STAB2: variants seen among roughly 807,000 people sequenced by gnomAD.
STAB2 encodes the protein stabilin-2.
In STAB2, 288 loss-of-function variants were observed where a neutral mutation model predicts 338.1. The observed-to-expected ratio is 0.85, with a 90% CI of 0.77 to 0.94. The LOEUF (loss-of-function observed/expected upper bound fraction) is 0.94. Among genes scored for constraint, STAB2 ranks in the 40% least tolerant of loss-of-function variants. STAB2 has a pLI of 0.00. For missense variants in STAB2, 3,141 were observed against 3,210.1 expected, an observed-to-expected ratio of 0.98 and a Z score of 0.52; for synonymous variants, 1,202 against 1,193.3, an observed-to-expected ratio of 1.01 and a Z score of -0.15.
At chr12:103,690,626 C>G in intron 30 of STAB2, 88 bp downstream of exon 30, 1 of 1,153,348 alleles carries the variant, frequency 8.7e-7, no homozygotes, top group Non-Finnish European at 1.2e-6. Context: ...ATGGGAACTT[C>G]CAAACATGCG....
chr12:103,715,284 G>A (rs527948605), intron 42 of STAB2, among the ~76,000 whole-genome samples: 1 of 152,156 alleles, frequency 6.6e-6, no homozygotes, highest in South Asian at 2.1e-4. Context: ...CAGTGAAGGT[G>A]CTGTGATGTT....
At chr12:103,671,957 C>G (rs1049257677) in intron 22 of STAB2, among the ~76,000 whole-genome samples, 1 of 152,200 alleles carries the variant, frequency 6.6e-6, no homozygotes, top group Non-Finnish European at 1.5e-5. Context: ...CACACTCCAG[C>G]CTACCAACCG....
chr12:103,729,027 C>A, intron 48 of STAB2, 32 bp downstream of exon 48: 1 of 1,609,534 alleles, frequency 6.2e-7, no homozygotes, highest in South Asian at 1.1e-5. Context: ...GTCCTCTCTC[C>A]CCTAGATCAT....
intron 44 of STAB2, among the ~76,000 whole-genome samples, chr12:103,719,445 A>C (rs998730277): frequency 9.2e-5 from 14 of 152,224 alleles, no homozygotes; most frequent in Non-Finnish European, 1.8e-4. Flanking sequence ...GTATTTTCTC[A>C]CAGTTCTAGA....
intron 51 of STAB2, among the ~76,000 whole-genome samples, chr12:103,735,117 A>G (rs181993495): frequency 6.6e-6 from 1 of 152,170 alleles, no homozygotes; most frequent in East Asian, 1.9e-4. Context: ...GGACTTCAAC[A>G]TAACTCTTTG....
intron 37 of STAB2, 28 bp downstream of exon 37, chr12:103,705,755 C>T (rs962893766): frequency 1.9e-6 from 3 of 1,600,532 alleles, no homozygotes; most frequent in Non-Finnish European, 2.6e-6. Context: ...ATCATACTAA[C>T]TACTGCAGCA....
intron 26 of STAB2, 50 bp from the exon 27 acceptor site, chr12:103,684,939 G>T (rs542535137): frequency 2.0e-5 from 31 of 1,578,794 alleles, no homozygotes; most frequent in Non-Finnish European, 2.7e-5. Context: ...TGTAACTCAG[G>T]TCTAACGTTT....
chr12:103,723,823 G>C (rs1310067198), intron 44 of STAB2, among the ~76,000 whole-genome samples: 2 of 152,134 alleles, frequency 1.3e-5, no homozygotes, highest in Non-Finnish European at 2.9e-5. Flanking sequence ...TGGGGAGAAA[G>C]AAGTAAGCTC....
intron 2 of STAB2, 72 bp downstream of exon 2, chr12:103,591,102 G>A (rs1323562616): frequency 3.1e-6 from 5 of 1,592,372 alleles, no homozygotes; most frequent in Non-Finnish European, 4.3e-6. Flanking sequence ...AAACTGCAAA[G>A]CATTTCCATG....
chr12:103,613,679 A>G (rs1035774751), intron 3 of STAB2, among the ~76,000 whole-genome samples: 1 of 152,090 alleles, frequency 6.6e-6, no homozygotes, highest in African/African-American at 2.4e-5. Context: ...CACTAGGTGC[A>G]CTGCACCCAC....
Position 103,759,233 on chromosome 12 carries a change from G to T in STAB2, c.7208G>T (p.Ser2403Ile). 1 of 1,614,184 alleles carries T rather than the reference G, an allele frequency of 6.2e-7. No individual in the cohort carries two copies. The highest frequency in any genetic ancestry group is 1.1e-5 in the South Asian group (1 of 91,078). ...ACCACCCTGCAAACGAGGCTGGGAA[G>T]CAAGCTGCTCATCACTGCCAGCCAG... is the stretch of plus-strand genomic sequence containing the variant. ...NGTTLQTRLGSKLLITASQDP... is the reference protein window; with the variant it reads ...NGTTLQTRLGIKLLITASQDP... The change falls in exon 65 of 69, where the codon AGC (serine) becomes ATC (isoleucine). Residue 2403 changes from serine (S) to isoleucine (I), a missense_variant. Ser to Ile is a moderately radical substitution (Grantham distance 142). Transcript: ENST00000388887.
intron 42 of STAB2, 44 bp from the exon 43 acceptor site, chr12:103,715,771 C>A: frequency 6.2e-7 from 1 of 1,611,642 alleles, no homozygotes; most frequent in Non-Finnish European, 8.5e-7. Context: ...CACTTGGAAA[C>A]CAGACTGGAT....
chr12:103,689,870 T>A lies in STAB2; in HGVS notation c.3070T>A (p.Ser1024Thr). 1 of 1,614,112 alleles carries A rather than the reference T, an allele frequency of 6.2e-7. No homozygotes were observed. The highest frequency in any genetic ancestry group is 8.5e-7 in the Non-Finnish European group (1 of 1,179,990). Residue 1024 changes from serine (S) to threonine (T), a missense_variant, in exon 29 of 69, where the codon TCA becomes ACA. Coordinates refer to ENST00000388887, the MANE Select transcript of STAB2 (RefSeq NM_017564.10). ...INNASLQPTL[S>T]ATSNLTVLVP... ...GAATGCTTCTCTACAACCCACACTG[T>A]CAGCCACCTCAAACCTCACTGTCCT...
rs1184370662 is a variant in STAB2 at position 103,631,665 on chromosome 12, T to A, written c.555T>A (p.Ser185=). 2 of 1,614,084 alleles carry A rather than the reference T, an allele frequency of 1.2e-6. No homozygotes were observed. The highest frequency in any genetic ancestry group is 2.7e-5 in the African/African-American group (2 of 74,934). Reference sequence around the variant, plus strand: ...GCGATGGAACCTGTGAGTGCTACTCTGCGTACACTGGCCCCAAGTGTGACA... The same window carrying A: ...GCGATGGAACCTGTGAGTGCTACTCAGCGTACACTGGCCCCAAGTGTGACA... The part of the protein sequence containing the change: ...LDGDGTCECY[S]AYTGPKCDKP... Residue 185 remains serine, a synonymous_variant, in exon 6 of 69, where the codon TCT becomes TCA. Coordinates refer to ENST00000388887, the MANE Select transcript of STAB2 (RefSeq NM_017564.10).
At chr12:103,663,628 C>T (rs1417625738) in intron 18 of STAB2, among the ~76,000 whole-genome samples, 1 of 151,996 alleles carries the variant, frequency 6.6e-6, no homozygotes, top group Non-Finnish European at 1.5e-5. Flanking sequence ...GATTACAGGC[C>T]TGAGCCACTG....
chr12:103,620,624 AACACACAC>A (rs34881989), intron 4 of STAB2, 71 bp downstream of exon 4: 45 of 842,332 alleles, frequency 5.3e-5, no homozygotes, highest in Non-Finnish European at 7.1e-5. Context: ...ATCCTCCTTA[AACACACAC>A]ACACACACAC....
At chr12:103,659,482 C>T (rs1168079629) in intron 15 of STAB2, among the ~76,000 whole-genome samples, 3 of 152,246 alleles carry the variant, frequency 2.0e-5, no homozygotes, top group Non-Finnish European at 4.4e-5. Flanking sequence ...CTTTTCCAAG[C>T]CAGAGTGACT....
rs200623593 is a variant in STAB2 at position 103,669,519 on chromosome 12, G to A, written c.2173-22G>A. On this transcript the variant is annotated intron_variant, in intron 20 of 68. Transcript: ENST00000388887. ...GTGCTCTACTTGGGGGTTCAAAGGGGAACACGCATTTTGTTTTTCAGATTC... is the reference window on the plus strand; with the variant it reads ...GTGCTCTACTTGGGGGTTCAAAGGGAAACACGCATTTTGTTTTTCAGATTC... 2.5e-6 allele frequency: 4 copies of A among 1,606,788 alleles called. No individual in the cohort carries two copies. In the Admixed American group the frequency reaches 5.0e-5, roughly 20 times the overall value.
rs772320588 is a variant in STAB2, at chr12:103,660,306, A to G, written c.1735-25A>G. 1.4e-4 allele frequency: 227 copies of G among 1,612,480 alleles called. 2 individuals are homozygous for G. In the South Asian group the frequency reaches 2.2e-3, roughly 16 times the overall value. ...AAGTGTTGCATTTTCTTCTTTGACTAAAGAAGTATTTGGTTCCTTTGCAGG... is the reference window on the plus strand; with the variant it reads ...AAGTGTTGCATTTTCTTCTTTGACTGAAGAAGTATTTGGTTCCTTTGCAGG... On this transcript the variant is annotated intron_variant, in intron 15 of 68. Transcript: ENST00000388887.
Sources: allele counts gnomAD v4.1 joint callset (sites outside exome capture counted in the v4.1 genomes callset), GRCh38; gene constraint gnomAD v4.1.1; transcripts MANE v1.5; gene names NCBI Gene and HGNC (gene_info 2026-07-23, HGNC 2026-07-21).